Variants in QTGAL observed in about 807,000 individuals in gnomAD.
QTGAL encodes the protein BGnT-like protein 1.
chr17:83,013,811 G>C, the QTGAL span, among the ~76,000 whole-genome samples: 1 of 152,154 alleles, frequency 6.6e-6, no homozygotes, highest in Non-Finnish European at 1.5e-5. Context: ...TAAAACCCAA[G>C]TGATCACCGC....
the QTGAL span, among the ~76,000 whole-genome samples, chr17:83,047,947 T>C: frequency 3.3e-4 from 50 of 152,174 alleles, no homozygotes; most frequent in African/African-American, 1.2e-3. Flanking sequence ...AGGTTCTTTC[T>C]TTTCTTTCTT....
the QTGAL span, among the ~76,000 whole-genome samples, chr17:83,034,385 C>G: frequency 6.6e-6 from 1 of 152,238 alleles, no homozygotes; most frequent in Non-Finnish European, 1.5e-5. Flanking sequence ...ATATATCTTA[C>G]TTACCATGAT....
the QTGAL span, among the ~76,000 whole-genome samples, chr17:82,969,680 C>T: frequency 1.3e-5 from 2 of 152,036 alleles, no homozygotes; most frequent in Admixed American, 1.3e-4. Flanking sequence ...AGCAAGACCC[C>T]ATCTTTTAAA....
the QTGAL span, among the ~76,000 whole-genome samples, chr17:83,022,330 G>T: frequency 7.6e-6 from 1 of 131,476 alleles, no homozygotes; most frequent in African/African-American, 2.9e-5. Flanking sequence ...CACTGTCCCC[G>T]GCCCACCTGC....
At chr17:82,984,137 G>A in the QTGAL span, among the ~76,000 whole-genome samples, 1 of 97,564 alleles carries the variant, frequency 1.0e-5, no homozygotes. Context: ...GCCACGTGAG[G>A]ACGTGGGGGA....
chr17:83,006,433 C>T, the QTGAL span: 26 of 985,128 alleles, frequency 2.6e-5, no homozygotes, highest in Non-Finnish European at 3.0e-5. This position sits in a 1 kb window ranked among gnomAD's most constrained non-coding sequence, Gnocchi z 5.8. Flanking sequence ...CTGTAAGAAA[C>T]AACTGTAGAG....
chr17:83,004,662 G>A, the QTGAL span, among the ~76,000 whole-genome samples: 1 of 142,202 alleles, frequency 7.0e-6, no homozygotes, highest in African/African-American at 2.7e-5. Context: ...TCCTGAGCTC[G>A]CCCTCCCACC....
At chr17:82,970,495 C>A in the QTGAL span, among the ~76,000 whole-genome samples, 6 of 152,186 alleles carry the variant, frequency 3.9e-5, no homozygotes, top group Non-Finnish European at 7.4e-5. Context: ...TGAGGACGAC[C>A]TGAGAAAACA....
At chr17:83,024,196 C>A in the QTGAL span, among the ~76,000 whole-genome samples, 1 of 152,202 alleles carries the variant, frequency 6.6e-6, no homozygotes, top group Non-Finnish European at 1.5e-5. Flanking sequence ...AGCAGCCCTC[C>A]TGGTCGTCTG....
the QTGAL span, among the ~76,000 whole-genome samples, chr17:83,007,816 T>C: frequency 6.6e-6 from 1 of 152,318 alleles, no homozygotes. Context: ...TGGCAATTCC[T>C]GTGGCTTTAA....
the QTGAL span, among the ~76,000 whole-genome samples, chr17:82,967,427 G>A: frequency 6.6e-6 from 1 of 151,966 alleles, no homozygotes; most frequent in Non-Finnish European, 1.5e-5. Flanking sequence ...TCTGCTTGTC[G>A]TCCATCCTGA....
chr17:82,966,003 C>T, the QTGAL span, among the ~76,000 whole-genome samples: 5 of 150,988 alleles, frequency 3.3e-5, no homozygotes. Flanking sequence ...TAGCCTTGAC[C>T]TCCTCAAGCA....
the QTGAL span, among the ~76,000 whole-genome samples, chr17:83,047,510 A>G: frequency 4.2e-5 from 6 of 143,210 alleles, no homozygotes; most frequent in African/African-American, 1.6e-4. Flanking sequence ...TAAGAAACTT[A>G]GGTCTATAAT....
the QTGAL span, among the ~76,000 whole-genome samples, chr17:82,983,887 G>T: frequency 4.6e-5 from 7 of 152,354 alleles, no homozygotes; most frequent in South Asian, 1.2e-3. Context: ...AGTCCCAAAG[G>T]TGGGGCCCTG....
the QTGAL span, among the ~76,000 whole-genome samples, chr17:82,956,294 CAG>C: frequency 1.1e-4 from 17 of 152,352 alleles, no homozygotes; most frequent in Non-Finnish European, 2.2e-4. This position sits in a 1 kb window ranked among gnomAD's most constrained non-coding sequence, Gnocchi z 5.7. Context: ...CGTTCACACT[CAG>C]GGGCTGAGGA....
At chr17:82,942,872 G>GC in the QTGAL span, 7 of 272,984 alleles carry the variant, frequency 2.6e-5, no homozygotes, top group Admixed American at 3.6e-4. Flanking sequence ...CACAGGCAGT[G>GC]CCCCACCCAG....
the QTGAL span, chr17:82,944,955 A>G: frequency 6.6e-6 from 1 of 152,240 alleles, no homozygotes; most frequent in African/African-American, 2.4e-5. Context: ...AGTGGCCTGA[A>G]TTAATACTAC....
the QTGAL span, among the ~76,000 whole-genome samples, chr17:83,022,043 C>T: frequency 6.6e-6 from 1 of 152,116 alleles, no homozygotes; most frequent in Non-Finnish European, 1.5e-5. Context: ...CAAAAATGAA[C>T]CTGAAATGAA....
At chr17:82,943,398 CAGCAGCACCAA>C in the QTGAL span, 1 of 152,298 alleles carries the variant, frequency 6.6e-6, no homozygotes, top group Non-Finnish European at 1.5e-5. Flanking sequence ...GAACCACGGC[CAGCAGCACCAA>C]AGCAGCCCCA....
Sources: gnomAD v4.1 joint callset for allele counts (sites outside exome capture counted in the v4.1 genomes callset) on GRCh38, gnomAD v4.1.1 for gene constraint, Gnocchi (gnomAD v3.1) non-coding constraint, MANE v1.5 for transcripts, NCBI Gene and HGNC (gene_info 2026-07-23, HGNC 2026-07-21) for gene names.